The following PLD1 variants were observed in gnomAD, a reference collection of about 807,000 sequenced individuals.
The protein encoded by PLD1 is choline phosphatase 1.
In PLD1, 112 loss-of-function variants were observed where a neutral mutation model predicts 137.1. That is an observed-to-expected ratio of 0.82 (90% CI 0.70 to 0.96). PLD1 has a LOEUF of 0.96. PLD1 is among the 40% of genes least tolerant of loss of function. PLD1 has a pLI of 0.00. For missense variants in PLD1, 1,321 were observed against 1,342.0 expected (o/e 0.98, Z 0.24); for synonymous variants, 431 against 454.7 (o/e 0.95, Z 0.66).
intron 1 of PLD1, among the ~76,000 whole-genome samples, chr3:171,743,144 C>T (rs1578396099): frequency 6.6e-6 from 1 of 152,180 alleles, no homozygotes; most frequent in Admixed American, 6.5e-5. Flanking sequence ...ATGCTTCCTC[C>T]CTTGGGAAGC....
chr3:171,614,211 G>A (rs1732905412), intron 24 of PLD1, among the ~76,000 whole-genome samples: 1 of 152,224 alleles, frequency 6.6e-6, no homozygotes, highest in South Asian at 2.1e-4. Flanking sequence ...CTACAGAAAT[G>A]TGAGAATGCT....
intron 14 of PLD1, 59 bp downstream of exon 14, chr3:171,688,617 A>G: frequency 7.8e-7 from 1 of 1,289,304 alleles, no homozygotes. Flanking sequence ...TGCTACTAAT[A>G]CAAACTTATA....
chr3:171,677,572 A>G lies in PLD1; in HGVS notation c.1990T>C (p.Phe664Leu), dbSNP rs1442508464. 4 of 1,613,782 alleles carry G rather than the reference A, an allele frequency of 2.5e-6. No individual in the cohort carries two copies. The South Asian group carries it at 4.4e-5, about 18-fold the overall frequency. Residue 664 changes from phenylalanine (F) to leucine (L), a missense_variant, in exon 17 of 27, where the codon TTT becomes CTT. Transcript: ENST00000351298. ...CCACCATTATGATACTCACCAGCAA[A>G]AGGTTTATCAAGTTGAACCCAGTCT... is the stretch of plus-strand genomic sequence containing the variant. ...FKDWVQLDKP[F>L]ADFIDRYSTP...
chr3:171,636,358 A>G (rs1409512240), intron 23 of PLD1, among the ~76,000 whole-genome samples: 2 of 152,070 alleles, frequency 1.3e-5, no homozygotes, highest in Admixed American at 6.6e-5. Context: ...GTATAGGTAA[A>G]TTTGGAGAGT....
intron 23 of PLD1, among the ~76,000 whole-genome samples, chr3:171,632,134 G>GT (rs887990970): frequency 2.0e-5 from 3 of 152,124 alleles, no homozygotes; most frequent in African/African-American, 7.2e-5. Flanking sequence ...CCTCACTTCT[G>GT]TGATACTGCT....
In PLD1 at chr3:171,679,794, G is replaced by A. The variant is rs547118846; in HGVS notation, c.1868-2100C>T. On this transcript the variant is annotated intron_variant, in intron 16 of 26. Transcript: ENST00000351298. ...CCACATAAATTAGGGTTCCTCCTCA[G>A]TACAAATGAACTATTAAGGCAATAG... 2.6e-5 allele frequency among the ~76,000 whole-genome samples: 4 copies of A among 152,274 alleles called. No homozygotes were observed. In the South Asian group the frequency reaches 8.3e-4, roughly 32 times the overall value.
In PLD1 at chr3:171,800,891, G is replaced by A. The variant is rs148656164; in HGVS notation, c.-32+9508C>T. Reference sequence around the variant, plus strand: ...TAAAGGCACTAATCTCATTGATAAGGGCAGAGCCACCATGGCCTAATCATC... The same window carrying A: ...TAAAGGCACTAATCTCATTGATAAGAGCAGAGCCACCATGGCCTAATCATC... On this transcript the variant is annotated intron_variant, in intron 1 of 26. Transcript: ENST00000351298. Among the ~76,000 whole-genome samples the A allele has an allele frequency of 2.0e-5, 3 of 152,206 alleles. No individual in the cohort carries two copies. The East Asian group carries it at 5.8e-4, about 29-fold the overall frequency.
At chr3:171,693,431 A>G (rs1715391875) in intron 12 of PLD1, among the ~76,000 whole-genome samples, 1 of 152,026 alleles carries the variant, frequency 6.6e-6, no homozygotes. Flanking sequence ...GCTAGGCTAA[A>G]CTGCCCCTTA....
chr3:171,760,381 G>A (rs943156343), intron 1 of PLD1, among the ~76,000 whole-genome samples: 1 of 152,054 alleles, frequency 6.6e-6, no homozygotes, highest in Admixed American at 6.5e-5. Flanking sequence ...AATCATCTAG[G>A]TATTATCTTC....
intron 21 of PLD1, chr3:171,653,563 AT>A (rs1736960041): frequency 1.3e-5 from 2 of 152,250 alleles, no homozygotes; most frequent in Admixed American, 6.5e-5. Flanking sequence ...ACCAAAACAA[AT>A]TTTTCTTATC....
At chr3:171,710,098 T>G (rs1042937071) in intron 9 of PLD1, among the ~76,000 whole-genome samples, 4 of 152,186 alleles carry the variant, frequency 2.6e-5, no homozygotes, top group Admixed American at 2.0e-4. Context: ...AGTCTCGCTC[T>G]GTCGCCCAGG....
chr3:171,698,921 A>G (rs1211010047), intron 12 of PLD1, among the ~76,000 whole-genome samples: 2 of 149,786 alleles, frequency 1.3e-5, no homozygotes, highest in Non-Finnish European at 3.0e-5. Context: ...GGTTGCAGTG[A>G]GCCGAGACTG....
chr3:171,612,405 A>AAT lies in PLD1; in HGVS notation c.2755_2756insAT (p.Met919AsnfsTer23). On this transcript the variant is annotated frameshift_variant, in exon 25 of 27. Coordinates refer to ENST00000351298, the MANE Select transcript of PLD1 (RefSeq NM_002662.5). LOFTEE classifies it high-confidence loss of function. This position sits in a 1 kb window ranked among gnomAD's most constrained non-coding sequence, Gnocchi z 4.1. ...CATTTCACTGTCACGCTTTCCCAGCATGCTGCGGTCATTTATGTTGGCAGA... is the reference window on the plus strand; with the variant it reads ...CATTTCACTGTCACGCTTTCCCAGCAATTGCTGCGGTCATTTATGTTGGCAGA... 6.8e-6 allele frequency: 11 copies of AAT among 1,614,140 alleles called. No homozygotes were observed. The highest frequency in any genetic ancestry group is 9.3e-6 in the Non-Finnish European group (11 of 1,179,986).
rs141911267 is a variant in PLD1 at position 171,644,971 on chromosome 3, C to T, written c.2482G>A (p.Glu828Lys). The stretch of plus-strand genomic sequence containing the variant: ...CCTCCGCCGGTTGAAATGTCTCCTT[C>T]GAACCCTGGCAGAAGTGGTATCACG... Reference protein sequence around the residue: ...YVVIPLLPGFEGDISTGGGNA... With the variant: ...YVVIPLLPGFKGDISTGGGNA... The change falls in exon 22 of 27, where the codon GAA becomes AAA. Residue 828 changes from glutamate (E) to lysine (K), a missense_variant. By Grantham distance (56) the Glu-to-Lys change is moderately conservative. Coordinates refer to ENST00000351298, the MANE Select transcript of PLD1 (RefSeq NM_002662.5). The T allele has an allele frequency of 2.2e-5, 35 of 1,613,886 alleles. No homozygotes were observed. The highest frequency in any genetic ancestry group is 2.9e-5 in the Non-Finnish European group (34 of 1,179,914).
chr3:171,737,618 T>G lies in PLD1; in HGVS notation c.202A>C (p.Lys68Gln). 1 of 1,598,570 alleles carries G rather than the reference T, an allele frequency of 6.3e-7. No homozygotes were observed. Among genetic ancestry groups the G allele is most frequent in the Non-Finnish European group, 8.6e-7 (1 of 1,167,090 alleles). The change falls in exon 3 of 27, where the codon AAG becomes CAG. Residue 68 changes from lysine to glutamine, a missense_variant. Coordinates refer to ENST00000351298, the MANE Select transcript of PLD1 (RefSeq NM_002662.5). The stretch of plus-strand genomic sequence containing the variant: ...AGATACGTCTGTATATTAGGCTCCT[T>G]AAATCCTTGAGTGTTATAAATAGCA... ...FSAIYNTQGFKEPNIQTYLSG... is the reference protein window; with the variant it reads ...FSAIYNTQGFQEPNIQTYLSG...
intron 10 of PLD1, 144 bp from the exon 11 acceptor site, chr3:171,708,982 C>G (rs985964097): frequency 2.0e-5 from 12 of 592,342 alleles, no homozygotes; most frequent in Non-Finnish European, 3.3e-5. Context: ...ACCTGGAAAA[C>G]AAGGATTGAA....
chr3:171,722,547 A>T (rs1358764879), intron 8 of PLD1, among the ~76,000 whole-genome samples: 2 of 152,150 alleles, frequency 1.3e-5, no homozygotes, highest in East Asian at 3.8e-4. Flanking sequence ...TATTCTGAAA[A>T]TTTCTTATAA....
Position 171,781,068 on chromosome 3 carries a change from G to A in PLD1, c.-32+29331C>T, listed in dbSNP as rs114131699. Among the ~76,000 whole-genome samples, 1,508 of 152,152 alleles carry A rather than the reference G, an allele frequency of 9.9e-3. 34 individuals carry two copies. The highest frequency in any genetic ancestry group is 0.035 in the African/African-American group (1,436 of 41,512). On this transcript the variant is annotated intron_variant, in intron 1 of 26. Coordinates refer to ENST00000351298, the MANE Select transcript of PLD1 (RefSeq NM_002662.5). ...TAACACTACCTGACTTCAAGACATC[G>A]TAGTAAGTCTATAGTAACCAGGACA...
chr3:171,621,632 T>C (rs1733638933), intron 23 of PLD1, among the ~76,000 whole-genome samples: 1 of 152,202 alleles, frequency 6.6e-6, no homozygotes, highest in Non-Finnish European at 1.5e-5. Context: ...TCCCCTCATA[T>C]ATATATGAGT....
Sources: allele counts gnomAD v4.1 joint callset (sites outside exome capture counted in the v4.1 genomes callset), GRCh38; gene constraint gnomAD v4.1.1; non-coding constraint Gnocchi (gnomAD v3.1); transcripts MANE v1.5; gene names NCBI Gene and HGNC (gene_info 2026-07-23, HGNC 2026-07-21).